The following CDKL4 variants were observed in gnomAD, a reference collection of about 807,000 sequenced individuals.
CDKL4 encodes cyclin dependent kinase like 4.
Under a neutral mutation model 42.0 loss-of-function variants are expected in CDKL4, and 44 were observed. That is an observed-to-expected ratio of 1.05 (90% CI 0.82 to 1.35). The LOEUF (loss-of-function observed/expected upper bound fraction) is 1.35, where lower values mean the gene tolerates loss of function less well. Ranked by LOEUF, CDKL4 falls within the 40% of genes most tolerant of loss-of-function variation. CDKL4 has a pLI of 0.00. For missense variants in CDKL4, 393 were observed against 369.9 expected (o/e 1.06, Z -0.51); for synonymous variants, 120 against 121.6 (o/e 0.99, Z 0.09).
intron 6 of CDKL4, among the ~76,000 whole-genome samples, chr2:39,188,564 A>C (rs1675976324): frequency 1.5e-5 from 2 of 133,712 alleles, no homozygotes; most frequent in Non-Finnish European, 3.2e-5. Context: ...CCGTCTCAAA[A>C]AAAAAAAAAA....
At chr2:39,179,463 C>T in intron 8 of CDKL4, 142 bp from the exon 9 acceptor site, 1 of 615,066 alleles carries the variant, frequency 1.6e-6, no homozygotes, top group Non-Finnish European at 2.6e-6. Context: ...TTGGAGCTTG[C>T]TAATAGCTAG....
intron 1 of CDKL4, among the ~76,000 whole-genome samples, chr2:39,238,539 C>T (rs915242218): frequency 1.8e-4 from 27 of 152,108 alleles, no homozygotes; most frequent in East Asian, 5.8e-4. Context: ...GAAATGCATA[C>T]GACCCAGAAT....
At chr2:39,230,017 C>T (rs1225662174) in intron 1 of CDKL4, among the ~76,000 whole-genome samples, 1 of 152,186 alleles carries the variant, frequency 6.6e-6, no homozygotes, top group Non-Finnish European at 1.5e-5. Flanking sequence ...AGACATGGTA[C>T]AAAAAGTGCT....
intron 3 of CDKL4, among the ~76,000 whole-genome samples, chr2:39,220,746 G>A (rs556285867): frequency 8.0e-4 from 121 of 151,860 alleles, no homozygotes; most frequent in African/African-American, 2.9e-3. Flanking sequence ...CACCACGCCT[G>A]GCTAATTTTT....
intron 9 of CDKL4, among the ~76,000 whole-genome samples, chr2:39,177,320 C>G (rs1185843004): frequency 6.6e-6 from 1 of 151,870 alleles, no homozygotes; most frequent in Admixed American, 6.6e-5. Context: ...CCCAGGTAGA[C>G]AGTGATTAGG....
chr2:39,217,317 G>C (rs1268201905), intron 3 of CDKL4, among the ~76,000 whole-genome samples: 1 of 152,168 alleles, frequency 6.6e-6, no homozygotes, highest in East Asian at 1.9e-4. Flanking sequence ...GCAAACATGA[G>C]ACATCACAGT....
chr2:39,169,293 A>C, the CDKL4 span, among the ~76,000 whole-genome samples: 1 of 152,208 alleles, frequency 6.6e-6, no homozygotes, highest in African/African-American at 2.4e-5. Flanking sequence ...AGTGATAATT[A>C]GCTTCAAAAC....
downstream of CDKL4, among the ~76,000 whole-genome samples, chr2:39,173,791 C>T (rs377385806): frequency 1.1e-4 from 14 of 125,516 alleles, no homozygotes; most frequent in East Asian, 2.4e-3. Context: ...CCAGCCTGGG[C>T]GACAGAGTGA....
At chr2:39,223,962 G>A (rs992641311) in intron 3 of CDKL4, among the ~76,000 whole-genome samples, 3 of 152,116 alleles carry the variant, frequency 2.0e-5, no homozygotes, top group Non-Finnish European at 4.4e-5. Context: ...CTCCTTTTCT[G>A]TGTGTGCTCT....
intron 5 of CDKL4, among the ~76,000 whole-genome samples, chr2:39,194,773 C>A (rs1006721782): frequency 2.0e-5 from 3 of 151,946 alleles, no homozygotes; most frequent in Admixed American, 2.0e-4. Context: ...ATCTATATAT[C>A]TATATATAGG....
rs150481727 is a variant in CDKL4, at chr2:39,200,392, T to C, written c.454+4135A>G. Among the ~76,000 whole-genome samples, 147 of 152,218 alleles carry C rather than the reference T, an allele frequency of 9.7e-4. 2 individuals carry two copies. In the East Asian group the frequency reaches 0.024, roughly 25 times the overall value. On this transcript the variant is annotated intron_variant, in intron 5 of 9. Transcript: ENST00000451199. ...TGCTCATGGATGGGTAGAATCAATA[T>C]TGTGAAGACGACCATACTGCCAAAA...
intron 4 of CDKL4, among the ~76,000 whole-genome samples, chr2:39,205,235 C>T (rs1677091323): frequency 6.6e-6 from 1 of 152,084 alleles, no homozygotes; most frequent in South Asian, 2.1e-4. Context: ...ACAATTATTT[C>T]TTTCACTTTT....
At chr2:39,200,304 G>T (rs1053472536) in intron 5 of CDKL4, among the ~76,000 whole-genome samples, 20 of 152,026 alleles carry the variant, frequency 1.3e-4, no homozygotes, top group African/African-American at 4.6e-4. Context: ...CCTCTACAAG[G>T]AAAACTACAA....
chr2:39,235,479 G>C (rs1679320697), intron 1 of CDKL4, among the ~76,000 whole-genome samples: 2 of 152,178 alleles, frequency 1.3e-5, no homozygotes, highest in African/African-American at 4.8e-5. Context: ...ATAGGTGGGA[G>C]TAAAAAATGC....
chr2:39,185,402 ATGTG>A (rs1249715466), intron 7 of CDKL4, among the ~76,000 whole-genome samples: 3 of 17,750 alleles, frequency 1.7e-4, no homozygotes, highest in East Asian at 1.4e-3. Flanking sequence ...ATATATACAT[ATGTG>A]TATATATACA....
intron 8 of CDKL4, among the ~76,000 whole-genome samples, chr2:39,180,205 C>T (rs765090495): frequency 1.4e-4 from 21 of 152,186 alleles, no homozygotes; most frequent in Non-Finnish European, 2.5e-4. Context: ...ATAGTGAGAC[C>T]GCATCTCTCC....
chr2:39,220,843 T>TC (rs1678266629), intron 3 of CDKL4, among the ~76,000 whole-genome samples: 1 of 151,902 alleles, frequency 6.6e-6, no homozygotes, highest in Admixed American at 6.6e-5. Context: ...CTCCTCGGCC[T>TC]CCCAAAGTGC....
At chr2:39,182,698 T>C (rs1045669669) in intron 8 of CDKL4, among the ~76,000 whole-genome samples, 1 of 152,238 alleles carries the variant, frequency 6.6e-6, no homozygotes, top group African/African-American at 2.4e-5. Context: ...AAATTTCTAA[T>C]AGTCTATAGT....
chr2:39,171,635 T>G (rs1675001836), downstream of CDKL4, among the ~76,000 whole-genome samples: 1 of 152,140 alleles, frequency 6.6e-6, no homozygotes, highest in African/African-American at 2.4e-5. Context: ...ATGTTGGAGC[T>G]CTAAGAATAG....
Sources: allele counts gnomAD v4.1 joint callset (sites outside exome capture counted in the v4.1 genomes callset), GRCh38; gene constraint gnomAD v4.1.1; transcripts MANE v1.5; gene names NCBI Gene and HGNC (gene_info 2026-07-23, HGNC 2026-07-21).